The following MTCH2 variants were observed in gnomAD, a reference collection of about 807,000 sequenced individuals.
MTCH2 encodes mitochondrial carrier homolog 2.
In MTCH2, 25 loss-of-function variants were observed where a neutral mutation model predicts 50.6. That is an observed-to-expected ratio of 0.49 (90% CI 0.36 to 0.69). The LOEUF is 0.69. Ranked by LOEUF, MTCH2 falls within the 30% of genes least tolerant of loss-of-function variation. The pLI, the probability that MTCH2 is intolerant of heterozygous loss-of-function variation, is 0.00. For missense variants in MTCH2, 273 were observed against 384.4 expected (o/e 0.71, Z 2.42); for synonymous variants, 106 against 132.0 (o/e 0.80, Z 1.35).
chr11:47,607,831 G>A, the MTCH2 span, among the ~76,000 whole-genome samples: 44 of 152,310 alleles, frequency 2.9e-4, no homozygotes, highest in African/African-American at 8.2e-4. Context: ...TTGAGCCAAT[G>A]TAGCCAGTTT....
At chr11:47,630,430 A>G in intron 8 of MTCH2, 125 bp downstream of exon 8, 1 of 836,114 alleles carries the variant, frequency 1.2e-6, no homozygotes, top group Non-Finnish European at 2.0e-6. Flanking sequence ...CCTAAATAGA[A>G]TGTAACGTGA....
At chr11:47,633,515 TATATATATATA>T (rs1458018408) in intron 5 of MTCH2, among the ~76,000 whole-genome samples, 1 of 17,808 alleles carries the variant, frequency 5.6e-5, no homozygotes, top group African/African-American at 1.6e-4. Flanking sequence ...AATATATATA[TATATATATATA>T]TTTTTTTTTT....
intron 11 of MTCH2, among the ~76,000 whole-genome samples, chr11:47,624,190 C>T (rs1056439479): frequency 6.6e-5 from 10 of 151,264 alleles, no homozygotes; most frequent in Middle Eastern, 3.4e-3. Flanking sequence ...CGAGATTGCA[C>T]CACTGCACTA....
chr11:47,638,281 G>A (rs1032902431), intron 3 of MTCH2, among the ~76,000 whole-genome samples: 6 of 148,714 alleles, frequency 4.0e-5, no homozygotes, highest in Non-Finnish European at 8.9e-5. Flanking sequence ...ACTGAGTCCC[G>A]CCGGGCGCGG....
chr11:47,627,007 A>G, intron 10 of MTCH2, 73 bp downstream of exon 10: 1 of 1,171,978 alleles, frequency 8.5e-7, no homozygotes, highest in South Asian at 1.4e-5. Context: ...TGATGACACA[A>G]GCCAGATTTA....
the MTCH2 span, among the ~76,000 whole-genome samples, chr11:47,612,203 C>T: frequency 2.0e-5 from 3 of 152,054 alleles, no homozygotes; most frequent in South Asian, 2.1e-4. Context: ...GGCTTGAGTC[C>T]GGGAGTTCAA....
At chr11:47,636,745 C>CA (rs1368754355) in intron 3 of MTCH2, among the ~76,000 whole-genome samples, 2 of 151,016 alleles carry the variant, frequency 1.3e-5, no homozygotes, top group East Asian at 2.0e-4. Flanking sequence ...AAAAAAACAA[C>CA]AAAAAAACCC....
downstream of MTCH2, among the ~76,000 whole-genome samples, chr11:47,613,060 C>T (rs1373503111): frequency 6.6e-6 from 1 of 151,946 alleles, no homozygotes; most frequent in Non-Finnish European, 1.5e-5. Flanking sequence ...TTCCACCATG[C>T]CTGGCTAATT....
In MTCH2 at chr11:47,617,333, C is replaced by T. The variant is rs1477405780; in HGVS notation, c.*1500G>A. 1.3e-5 allele frequency: 2 copies of T among 152,170 alleles called. No homozygotes were observed. Among genetic ancestry groups the T allele is most frequent in the Non-Finnish European group, 2.9e-5 (2 of 68,028 alleles). The allele number at this position is 152,170 out of a possible 1,614,324, so 9.4% of individuals were successfully genotyped here. ...AACATGGCACATTTTCCCAGATCAT[C>T]TTTACTTAAAGATTTTTTGGGAGAA... On this transcript the variant is annotated 3_prime_UTR_variant, in exon 13 of 13. Transcript: ENST00000302503.
chr11:47,628,941 G>T lies in MTCH2; in HGVS notation c.633+12C>A, dbSNP rs902800635. On this transcript the variant is annotated intron_variant, in intron 9 of 12. Coordinates refer to ENST00000302503, the MANE Select transcript of MTCH2 (RefSeq NM_014342.4). ...GCCAAGGTGAGCACATCTCACGAAG[G>T]TCACAACCTACCCCACTGTCCAGTG... 1 of 1,610,404 alleles carries T rather than the reference G, an allele frequency of 6.2e-7. No individual in the cohort carries two copies. Among genetic ancestry groups the T allele is most frequent in the Admixed American group, 1.7e-5 (1 of 59,896 alleles).
chr11:47,635,723 T>G (rs1247066215), intron 3 of MTCH2, 152 bp from the exon 4 acceptor site: 4 of 656,872 alleles, frequency 6.1e-6, no homozygotes, highest in African/African-American at 5.5e-5. Flanking sequence ...TTCAGTTAAC[T>G]TCTACTCATT....
intron 12 of MTCH2, among the ~76,000 whole-genome samples, chr11:47,619,990 T>C (rs1042179637): frequency 5.9e-5 from 9 of 152,102 alleles, no homozygotes; most frequent in Non-Finnish European, 1.2e-4. Flanking sequence ...GGCAGGGGAA[T>C]TGCTTGAACC....
chr11:47,636,829 A>C (rs2097309057), intron 3 of MTCH2, among the ~76,000 whole-genome samples: 1 of 152,144 alleles, frequency 6.6e-6, no homozygotes, highest in Non-Finnish European at 1.5e-5. Context: ...AAGAGGGAGG[A>C]CTGCTTGAGC....
rs545408211 is a variant in MTCH2, at chr11:47,634,771, T to A, written c.307-37A>T. 317 of 849,244 alleles carry A rather than the reference T, an allele frequency of 3.7e-4. 2 individuals carry two copies. Among genetic ancestry groups the A allele is most frequent in the South Asian group, 9.0e-4 (42 of 46,630 alleles). The allele number at this position is 849,244 out of a possible 1,614,324, so 52.6% of individuals were successfully genotyped here. A position where few individuals can be genotyped will look rare whatever the true frequency, so the allele number is the denominator to read the frequency against. On this transcript the variant is annotated intron_variant, in intron 4 of 12. Transcript: ENST00000302503. Reference sequence around the variant, plus strand: ...AATCAAAGAAAATAGAGATCTTGATTTTTTTTTTTTTTTTTTTTTGAGACA... The same window carrying A: ...AATCAAAGAAAATAGAGATCTTGATATTTTTTTTTTTTTTTTTTTGAGACA...
At chr11:47,621,232 C>T (rs200896300) in intron 12 of MTCH2, among the ~76,000 whole-genome samples, 4 of 152,108 alleles carry the variant, frequency 2.6e-5, no homozygotes, top group South Asian at 2.1e-4. Flanking sequence ...AACACTTAGG[C>T]CTTTTCATTC....
At chr11:47,630,426 T>C in intron 8 of MTCH2, 129 bp downstream of exon 8, 1 of 806,488 alleles carries the variant, frequency 1.2e-6, no homozygotes, top group South Asian at 1.6e-5. Context: ...GGGGCCTAAA[T>C]AGAATGTAAC....
Position 47,634,678 on chromosome 11 carries a change from G to A in MTCH2, c.363C>T (p.Ile121=). ...KEVSSSFDHV[I]KETTREMIAR... is the part of the protein sequence containing the mutation. ...GATGTAATTCATCTCTTACCTCCTTGATAACGTGGTCAAAGGAAGATGAGA... is the reference window on the plus strand; with the variant it reads ...GATGTAATTCATCTCTTACCTCCTTAATAACGTGGTCAAAGGAAGATGAGA... Residue 121 remains isoleucine, a synonymous_variant, in exon 5 of 13, where the codon ATC becomes ATT. Coordinates refer to ENST00000302503, the MANE Select transcript of MTCH2 (RefSeq NM_014342.4). 2 of 1,608,074 alleles carry A rather than the reference G, an allele frequency of 1.2e-6. No homozygotes were observed. Among genetic ancestry groups the A allele is most frequent in the Non-Finnish European group, 8.5e-7 (1 of 1,175,886 alleles).
chr11:47,631,139 T>C (rs1231344320), intron 6 of MTCH2, 52 bp from the exon 7 acceptor site: 2 of 1,479,060 alleles, frequency 1.4e-6, no homozygotes, highest in East Asian at 2.3e-5. Flanking sequence ...CCAGGTGCGG[T>C]GGCTCACACC....
chr11:47,615,684 G>A (rs2097287991), downstream of MTCH2, among the ~76,000 whole-genome samples: 2 of 151,314 alleles, frequency 1.3e-5, no homozygotes, highest in Admixed American at 6.6e-5. Context: ...CCAGGCGGGA[G>A]TGCAGTGGGG....
Sources: gnomAD v4.1 joint callset for allele counts (sites outside exome capture counted in the v4.1 genomes callset) on GRCh38, gnomAD v4.1.1 for gene constraint, MANE v1.5 for transcripts, NCBI Gene and HGNC (gene_info 2026-07-23, HGNC 2026-07-21) for gene names.